GPHN: variants seen among roughly 807,000 people sequenced by gnomAD.
GPHN encodes gephyrin.
GPHN carries 17 observed loss-of-function variants against 95.5 expected under a neutral mutation model. The ratio of observed to expected loss-of-function variants is 0.18; its 90% CI spans 0.12 to 0.27. The LOEUF (loss-of-function observed/expected upper bound fraction) is 0.27, where lower values mean the gene tolerates loss of function less well. Among genes scored for constraint, GPHN ranks in the 10% least tolerant of loss-of-function variants. GPHN has a pLI of 1.00. For missense variants in GPHN, 660 were observed against 978.1 expected (o/e 0.67, Z 4.34); for synonymous variants, 320 against 322.5 (o/e 0.99, Z 0.08).
At chr14:67,391,430 T>TC in the GPHN span, among the ~76,000 whole-genome samples, 2 of 151,452 alleles carry the variant, frequency 1.3e-5, no homozygotes, top group African/African-American at 4.9e-5. Flanking sequence ...CCTCTCTTCC[T>TC]CCCCTCGGGA....
chr14:66,869,200 A>G (rs117181966), intron 4 of GPHN, among the ~76,000 whole-genome samples: 1,835 of 152,316 alleles, frequency 0.012, 19 homozygotes, highest in Non-Finnish European at 0.018. Context: ...TCTTTTTGCC[A>G]TTGATAATGA....
intron 5 of GPHN, among the ~76,000 whole-genome samples, chr14:66,901,394 AT>A (rs2065124463): frequency 6.6e-6 from 1 of 152,028 alleles, no homozygotes; most frequent in African/African-American, 2.4e-5. Flanking sequence ...GTATAACCCC[AT>A]TTGTCTATTT....
the GPHN span, among the ~76,000 whole-genome samples, chr14:67,633,042 G>A: frequency 6.6e-6 from 1 of 151,672 alleles, no homozygotes; most frequent in East Asian, 1.9e-4. Flanking sequence ...GGATGGTCTC[G>A]ATCTCCTGAC....
the GPHN span, among the ~76,000 whole-genome samples, chr14:67,348,475 G>A: frequency 6.6e-6 from 1 of 151,640 alleles, no homozygotes; most frequent in Non-Finnish European, 1.5e-5. Flanking sequence ...AAAGTGCTGG[G>A]ATTACAGGTG....
chr14:66,775,730 G>A (rs80334932), intron 2 of GPHN, among the ~76,000 whole-genome samples: 1,913 of 152,222 alleles, frequency 0.013, 19 homozygotes, highest in Non-Finnish European at 0.018. Flanking sequence ...ATGATACACA[G>A]TTGGCACATG....
intron 12 of GPHN, among the ~76,000 whole-genome samples, chr14:67,100,113 T>C (rs1486415182): frequency 3.3e-5 from 5 of 152,062 alleles, no homozygotes; most frequent in Non-Finnish European, 7.4e-5. Flanking sequence ...AAATAGCCAA[T>C]GGAAAATGTG....
chr14:67,082,610 G>C (rs1319650607), intron 11 of GPHN, among the ~76,000 whole-genome samples: 1 of 152,044 alleles, frequency 6.6e-6, no homozygotes, highest in African/African-American at 2.4e-5. Flanking sequence ...TGGCTATTTG[G>C]AGTCCCTTGA....
At chr14:66,933,999 C>T (rs773326359) in intron 8 of GPHN, among the ~76,000 whole-genome samples, 31 of 151,818 alleles carry the variant, frequency 2.0e-4, no homozygotes, top group Non-Finnish European at 3.7e-4. Context: ...ATTAGCCAGA[C>T]GTTGTGGCAC....
chr14:67,624,433 G>C, the GPHN span, among the ~76,000 whole-genome samples: 5 of 152,216 alleles, frequency 3.3e-5, no homozygotes, highest in African/African-American at 1.2e-4. Flanking sequence ...ATTGACTCAT[G>C]GTTCTGCAGG....
intron 8 of GPHN, among the ~76,000 whole-genome samples, chr14:66,960,260 C>T (rs532861234): frequency 4.8e-5 from 7 of 146,234 alleles, no homozygotes; most frequent in Non-Finnish European, 7.4e-5. Context: ...AGACAGTTTC[C>T]GTTCATTTCT....
At chr14:67,700,348 G>A in the GPHN span, among the ~76,000 whole-genome samples, 1 of 152,092 alleles carries the variant, frequency 6.6e-6, no homozygotes, top group African/African-American at 2.4e-5. Context: ...TATATTGGAG[G>A]AAAATGGTTT....
chr14:67,723,898 G>C, the GPHN span, among the ~76,000 whole-genome samples: 2 of 152,222 alleles, frequency 1.3e-5, no homozygotes, highest in Non-Finnish European at 2.9e-5. Flanking sequence ...CCATCGGCCA[G>C]AATGAAATCT....
chr14:67,075,768 G>A (rs2076471674), intron 11 of GPHN, among the ~76,000 whole-genome samples: 16 of 152,180 alleles, frequency 1.1e-4, no homozygotes, highest in Admixed American at 9.8e-4. Context: ...AATTAGAGAT[G>A]AAACCTGAAG....
At chr14:67,049,524 T>C (rs1329852543) in intron 10 of GPHN, among the ~76,000 whole-genome samples, 1 of 151,316 alleles carries the variant, frequency 6.6e-6, no homozygotes, top group African/African-American at 2.4e-5. Flanking sequence ...CAACTTTTTT[T>C]TTTTTTTGAG....
In GPHN at chr14:66,666,873, G is replaced by A. The variant is rs191034888; in HGVS notation, c.65-14234G>A. On this transcript the variant is annotated intron_variant, in intron 1 of 22. Coordinates refer to ENST00000478722, the MANE Select transcript of GPHN (RefSeq NM_020806.5). Reference sequence around the variant, plus strand: ...CCCTGTTTCCAGATGACATGATTCTGTATCTAGAAAACCCCAGTCGTCTCA... The same window carrying A: ...CCCTGTTTCCAGATGACATGATTCTATATCTAGAAAACCCCAGTCGTCTCA... Among the ~76,000 whole-genome samples the A allele has an allele frequency of 1.3e-3, 193 of 152,258 alleles. 1 individual carries two copies. Among genetic ancestry groups the A allele is most frequent in the Admixed American group, 3.3e-3 (50 of 15,278 alleles).
At chr14:67,359,945 C>A in the GPHN span, 7 of 558,110 alleles carry the variant, frequency 1.3e-5, no homozygotes, top group South Asian at 1.4e-4. Flanking sequence ...CGGAACCACC[C>A]CTCAATTCCG....
intron 1 of GPHN, among the ~76,000 whole-genome samples, chr14:66,676,500 GTGTT>G (rs1566801513): frequency 6.6e-6 from 1 of 152,050 alleles, no homozygotes; most frequent in East Asian, 1.9e-4. Context: ...ATTTTTTAGA[GTGTT>G]TATTATGAAG....
chr14:66,977,988 T>C (rs1490638675), intron 9 of GPHN, among the ~76,000 whole-genome samples: 1 of 152,150 alleles, frequency 6.6e-6, no homozygotes, highest in East Asian at 1.9e-4. Flanking sequence ...ATAAAGTGAG[T>C]CACACAAATT....
At chr14:67,563,043 C>A in the GPHN span, 1 of 752,610 alleles carries the variant, frequency 1.3e-6, no homozygotes, top group African/African-American at 1.8e-5. Context: ...CCTGTGCAGA[C>A]CACACAACCA....
Sources: gnomAD v4.1 joint callset for allele counts (sites outside exome capture counted in the v4.1 genomes callset) on GRCh38, gnomAD v4.1.1 for gene constraint, MANE v1.5 for transcripts, NCBI Gene and HGNC (gene_info 2026-07-23, HGNC 2026-07-21) for gene names.